Variants in PALM2AKAP2 observed in about 807,000 individuals in gnomAD.
The protein encoded by PALM2AKAP2 is PALM2-AKAP2 fusion protein.
A neutral mutation model predicts 71.5 loss-of-function variants in PALM2AKAP2; 37 were observed. That is an observed-to-expected ratio of 0.52 (90% CI 0.40 to 0.68). PALM2AKAP2 has a LOEUF of 0.68. Among genes scored for constraint, PALM2AKAP2 ranks in the 30% least tolerant of loss-of-function variants. The pLI, the probability that PALM2AKAP2 is intolerant of heterozygous loss-of-function variation, is 0.00. For missense variants in PALM2AKAP2, 1,224 were observed against 1,191.8 expected (o/e 1.03, Z -0.40); for synonymous variants, 468 against 478.8 (o/e 0.98, Z 0.29).
chr9:109,937,591 A>C (rs72753102), intron 6 of PALM2AKAP2, among the ~76,000 whole-genome samples: 14,622 of 152,282 alleles, frequency 0.096, 855 homozygotes, highest in East Asian at 0.17. Flanking sequence ...TGGAAGGAGT[A>C]GCAAATATGC....
rs536654603 is a variant in PALM2AKAP2, at chr9:109,827,528, G to A, written c.46-39963G>A. Among the ~76,000 whole-genome samples, 3 of 152,228 alleles carry A rather than the reference G, an allele frequency of 2.0e-5. No homozygotes were observed. In the South Asian group the frequency reaches 6.2e-4, roughly 32 times the overall value. On this transcript the variant is annotated intron_variant, in intron 1 of 9. Transcript: ENST00000302798. Reference sequence around the variant, plus strand: ...GGAGGCTGAGGCAGAAAAATCGCTTGAACCTGGGAGGCAGAGGTTGCAGTG... The same window carrying A: ...GGAGGCTGAGGCAGAAAAATCGCTTAAACCTGGGAGGCAGAGGTTGCAGTG...
chr9:109,830,515 T>G (rs1461399177), intron 1 of PALM2AKAP2, among the ~76,000 whole-genome samples: 1 of 152,110 alleles, frequency 6.6e-6, no homozygotes, highest in East Asian at 1.9e-4. Flanking sequence ...CTTTCCTACT[T>G]CAGGTAGAGA....
intron 3 of PALM2AKAP2, 68 bp from the exon 10 acceptor site, chr9:110,162,026 C>G: frequency 6.3e-7 from 1 of 1,585,472 alleles, no homozygotes; most frequent in South Asian, 1.1e-5. Context: ...TGCCTGTTCC[C>G]GGCTAGGGGG....
chr9:109,777,564 TC>T (rs1183394790), upstream of PALM2AKAP2, among the ~76,000 whole-genome samples: 2 of 152,218 alleles, frequency 1.3e-5, no homozygotes, highest in Non-Finnish European at 2.9e-5. Flanking sequence ...CTCTCGCTCA[TC>T]CCCATTTTTG....
chr9:110,022,479 C>A (rs1833089857), intron 7 of PALM2AKAP2, among the ~76,000 whole-genome samples: 2 of 152,168 alleles, frequency 1.3e-5, no homozygotes, highest in South Asian at 4.1e-4. Context: ...CCTTGATCTT[C>A]CTGCTCTCCC....
At chr9:109,913,598 G>A (rs888726672) in intron 3 of PALM2AKAP2, among the ~76,000 whole-genome samples, 3 of 151,970 alleles carry the variant, frequency 2.0e-5, no homozygotes, top group Non-Finnish European at 2.9e-5. Flanking sequence ...AAGACTCTAA[G>A]CTCTGATTAG....
chr9:109,759,856 T>A (rs1829023525), intron 1 of PALM2AKAP2, among the ~76,000 whole-genome samples: 1 of 152,174 alleles, frequency 6.6e-6, no homozygotes. Flanking sequence ...AATGAAAGGC[T>A]CAAAGGTCCC....
upstream of PALM2AKAP2, chr9:110,048,692 C>A (rs917811642): frequency 2.9e-5 from 45 of 1,539,490 alleles, no homozygotes; most frequent in Non-Finnish European, 3.6e-5. Context: ...GGCTACCACT[C>A]CCTGCAGATG....
intron 2 of PALM2AKAP2, among the ~76,000 whole-genome samples, chr9:109,872,886 G>A (rs1041347295): frequency 4.6e-5 from 7 of 152,200 alleles, no homozygotes; most frequent in African/African-American, 1.4e-4. Context: ...ACAGTGTAAA[G>A]TAACCTTAGA....
intron 1 of PALM2AKAP2, among the ~76,000 whole-genome samples, chr9:110,119,654 T>C (rs1252679056): frequency 6.6e-6 from 1 of 152,220 alleles, no homozygotes; most frequent in African/African-American, 2.4e-5. Flanking sequence ...TTTTTGTGTT[T>C]CTTTTTTATA....
At chr9:109,651,859 A>G (rs1168000569) in intron 1 of PALM2AKAP2, among the ~76,000 whole-genome samples, 1 of 152,230 alleles carries the variant, frequency 6.6e-6, no homozygotes, top group African/African-American at 2.4e-5. Flanking sequence ...AGGCTTAATC[A>G]AAATTTTATT....
chr9:109,990,207 G>T (rs1443852748), intron 6 of PALM2AKAP2, among the ~76,000 whole-genome samples: 2 of 151,830 alleles, frequency 1.3e-5, no homozygotes, highest in African/African-American at 4.8e-5. Flanking sequence ...ACGTAACTGG[G>T]GTTATAGAGC....
chr9:109,961,390 TG>T (rs947502927), intron 6 of PALM2AKAP2, among the ~76,000 whole-genome samples: 1 of 152,168 alleles, frequency 6.6e-6, no homozygotes, highest in African/African-American at 2.4e-5. Flanking sequence ...ACACATGGTA[TG>T]GGGTAGATAT....
In PALM2AKAP2 at chr9:109,701,676, A is replaced by C. The variant is rs537603323; in HGVS notation, c.5+60810A>C. On this transcript the variant is annotated intron_variant, in intron 1 of 6. Coordinates refer to the PALM2AKAP2 transcript ENST00000374531. ...ACCTAGGCAATACCATTCAGCACAT[A>C]GGCATGGGCAAGGACTTCATGTCTA... Among the ~76,000 whole-genome samples the C allele has an allele frequency of 7.8e-4, 119 of 152,374 alleles. No individual in the cohort carries two copies. In the East Asian group the frequency reaches 0.014, roughly 18 times the overall value.
At chr9:109,731,379 G>A (rs1828554724) in intron 1 of PALM2AKAP2, among the ~76,000 whole-genome samples, 1 of 152,134 alleles carries the variant, frequency 6.6e-6, no homozygotes, top group Non-Finnish European at 1.5e-5. Flanking sequence ...TCGTTATCCT[G>A]TTGATCTCAT....
chr9:110,007,570 A>G (rs1170243671), intron 6 of PALM2AKAP2, among the ~76,000 whole-genome samples: 1 of 152,138 alleles, frequency 6.6e-6, no homozygotes, highest in Non-Finnish European at 1.5e-5. Flanking sequence ...ATGACACTAT[A>G]TTGTACTTAT....
intron 1 of PALM2AKAP2, among the ~76,000 whole-genome samples, chr9:109,734,949 C>T (rs1273589577): frequency 3.9e-5 from 6 of 151,944 alleles, no homozygotes; most frequent in African/African-American, 1.5e-4. Context: ...GCCATCTTGT[C>T]AAACATATTT....
chr9:109,751,586 C>A (rs531590408), intron 1 of PALM2AKAP2, among the ~76,000 whole-genome samples: 1 of 152,280 alleles, frequency 6.6e-6, no homozygotes, highest in African/African-American at 2.4e-5. Context: ...TGCGCTTGGG[C>A]TTTTCCTAGC....
chr9:110,079,172 G>A (rs765551523), intron 1 of PALM2AKAP2, among the ~76,000 whole-genome samples: 2 of 152,142 alleles, frequency 1.3e-5, no homozygotes, highest in African/African-American at 2.4e-5. Context: ...TAGGAAGCGA[G>A]TGTATCTTTC....
Sources: gnomAD v4.1 joint callset for allele counts (sites outside exome capture counted in the v4.1 genomes callset) on GRCh38, gnomAD v4.1.1 for gene constraint, MANE v1.5 for transcripts, NCBI Gene and HGNC (gene_info 2026-07-23, HGNC 2026-07-21) for gene names.